OR2T2: variants seen among roughly 807,000 people sequenced by gnomAD.
OR2T2 encodes olfactory receptor 2T2.
For synonymous variants in OR2T2, 50 were observed against 162.7 expected (o/e 0.31, Z 5.27); for missense variants, 138 against 409.1 (o/e 0.34, Z 5.72).
exon 3 of OR2T2, chr1:248,453,710 G>A: frequency 6.3e-7 from 1 of 1,588,964 alleles, no homozygotes; most frequent in Non-Finnish European, 8.5e-7. Flanking sequence ...TCTGAGGAAA[G>A]TACTAGGGAG....
At chr1:248,450,344 C>A (rs1259740754) in intron 2 of OR2T2, among the ~76,000 whole-genome samples, 1 of 128,822 alleles carries the variant, frequency 7.8e-6, no homozygotes, top group Non-Finnish European at 1.6e-5. Context: ...TCACAAGGAA[C>A]CTCTTTTTTT....
intron 1 of OR2T2, among the ~76,000 whole-genome samples, 197 bp from the exon 2 acceptor site, chr1:248,446,392 T>C (rs2000038): frequency 0.066 from 9,024 of 137,622 alleles, 137 homozygotes; most frequent in East Asian, 0.16. Context: ...GTGTTTATAG[T>C]TGCAGGTGTC....
exon 3 of OR2T2, chr1:248,453,833 A>C: frequency 1.4e-6 from 2 of 1,417,716 alleles, no homozygotes; most frequent in Non-Finnish European, 1.9e-6. Flanking sequence ...GGGGACTCCC[A>C]GAGCATCAGG....
chr1:248,449,272 A>G (rs1662735816), intron 2 of OR2T2: 1 of 152,278 alleles, frequency 6.6e-6, no homozygotes, highest in Non-Finnish European at 1.5e-5. Flanking sequence ...ACACTGGCAG[A>G]TACTTCTCAT....
intron 1 of OR2T2, among the ~76,000 whole-genome samples, chr1:248,446,084 A>G (rs1662639473): frequency 1.4e-5 from 2 of 145,564 alleles, no homozygotes; most frequent in African/African-American, 5.6e-5. Flanking sequence ...TTTAATTTAC[A>G]TTTTAAGTTA....
chr1:248,447,595 T>C (rs1234662028), intron 2 of OR2T2, among the ~76,000 whole-genome samples: 2 of 150,896 alleles, frequency 1.3e-5, no homozygotes, highest in Admixed American at 1.3e-4. Context: ...ATTATTTACA[T>C]TGTCTCTGAT....
exon 3 of OR2T2, chr1:248,453,632 T>C: frequency 1.3e-6 from 2 of 1,587,872 alleles, no homozygotes; most frequent in Non-Finnish European, 8.6e-7. Flanking sequence ...GTCTGCCTTC[T>C]ACACCATCCT....
chr1:248,446,341 G>GT (rs1357343338), intron 1 of OR2T2, among the ~76,000 whole-genome samples: 1 of 145,006 alleles, frequency 6.9e-6, no homozygotes, highest in Non-Finnish European at 1.5e-5. Context: ...ATGTGGACAT[G>GT]TTGGAAGCTC....
rs1486973860 is a variant in OR2T2 at position 248,446,319 on chromosome 1, G to GC, written c.-245-267dup. 1.4e-5 allele frequency among the ~76,000 whole-genome samples: 2 copies of GC among 144,954 alleles called. 1 individual carries two copies. The highest frequency in any genetic ancestry group is 5.6e-5 in the African/African-American group (2 of 35,580). Reference sequence around the variant, plus strand: ...AAGCCTGTTGAGCTGAGTAACTGGAGCCCAGGGGGAGATGTGGACATGTTG... The same window carrying GC: ...AAGCCTGTTGAGCTGAGTAACTGGAGCCCCAGGGGGAGATGTGGACATGTTG... On this transcript the variant is annotated intron_variant, in intron 1 of 2. Transcript: ENST00000642130.
intron 2 of OR2T2, among the ~76,000 whole-genome samples, chr1:248,448,046 C>G (rs572782712): frequency 6.6e-6 from 1 of 152,290 alleles, no homozygotes; most frequent in Non-Finnish European, 1.5e-5. Context: ...GTTATCAAAT[C>G]GACTGTGGCG....
chr1:248,450,328 TCA>T (rs1413761939), intron 2 of OR2T2, among the ~76,000 whole-genome samples: 4 of 138,688 alleles, frequency 2.9e-5, no homozygotes, highest in Non-Finnish European at 4.5e-5. Context: ...CACACAACGC[TCA>T]CACTCACAAG....
intron 1 of OR2T2, among the ~76,000 whole-genome samples, chr1:248,446,184 C>T (rs1391898425): frequency 1.4e-5 from 2 of 143,060 alleles, no homozygotes; most frequent in Non-Finnish European, 3.0e-5. Context: ...TTCATTTTAA[C>T]CTCCTTCCTC....
chr1:248,450,274 C>A (rs1341505538), intron 2 of OR2T2, among the ~76,000 whole-genome samples: 2 of 141,250 alleles, frequency 1.4e-5, no homozygotes, highest in African/African-American at 3.0e-5. Context: ...ACCACACATA[C>A]CATGCTCACA....
chr1:248,453,538 G>C (rs1170568976), exon 3 of OR2T2: 2 of 1,564,364 alleles, frequency 1.3e-6, no homozygotes, highest in Non-Finnish European at 1.7e-6. Flanking sequence ...CCCACATTAT[G>C]GTGGTGAGCG....
rs1263776461 is a variant in OR2T2 at position 248,446,820 on chromosome 1, G to C, written c.-23+9G>C. 5 of 148,752 alleles carry C rather than the reference G, an allele frequency of 3.4e-5. No homozygotes were observed. Among genetic ancestry groups the C allele is most frequent in the Non-Finnish European group, 7.4e-5 (5 of 67,954 alleles). 9.2% of individuals were successfully genotyped at this position (148,752 alleles called of 1,614,324 possible). A position where few individuals can be genotyped will look rare whatever the true frequency, so the allele number is the denominator to read the frequency against. On this transcript the variant is annotated intron_variant, in intron 2 of 2. Coordinates refer to ENST00000642130, the Ensembl canonical transcript of OR2T2. ...TTGACAATGTAGTTTAGGTAAGTTG[G>C]CATGTAGCATTAAAACCTGTATTCT...
intron 2 of OR2T2, among the ~76,000 whole-genome samples, chr1:248,450,023 G>A (rs542617811): frequency 4.0e-4 from 60 of 148,968 alleles, no homozygotes; most frequent in African/African-American, 1.5e-3. Context: ...GCTCGGAACT[G>A]ATGTAAACAG....
intron 2 of OR2T2, among the ~76,000 whole-genome samples, chr1:248,447,872 G>T (rs1662702531): frequency 6.8e-6 from 1 of 147,932 alleles, no homozygotes; most frequent in African/African-American, 2.6e-5. Context: ...TAGTTAACCT[G>T]CAATCCGCCA....
In OR2T2 at chr1:248,453,735, A is replaced by C. The variant is rs138616383; in HGVS notation, c.938A>C (p.Gln313Pro). The change falls in exon 3 of 3, where the codon CAG (glutamine) becomes CCG (proline). Residue 313 changes from glutamine (Q) to proline (P), a missense_variant. Coordinates refer to ENST00000642130, the Ensembl canonical transcript of OR2T2. ...GTACTAGGGAGATGTGGTTCCTCCCAGAGCATCAGGGTGGCGACTGTGATC... is the reference window on the plus strand; with the variant it reads ...GTACTAGGGAGATGTGGTTCCTCCCCGAGCATCAGGGTGGCGACTGTGATC... 1,796 of 1,610,572 alleles carry C rather than the reference A, an allele frequency of 1.1e-3. 4 individuals carry two copies. Among genetic ancestry groups the C allele is most frequent in the Non-Finnish European group, 1.4e-3 (1,679 of 1,179,746 alleles).
chr1:248,453,987 A>C (rs1341474348), exon 3 of OR2T2: 1 of 588,468 alleles, frequency 1.7e-6, no homozygotes, highest in Admixed American at 3.1e-5. Flanking sequence ...ATTAACAGGC[A>C]AAATCATCCT....
Sources: allele counts gnomAD v4.1 joint callset (sites outside exome capture counted in the v4.1 genomes callset), GRCh38; gene constraint gnomAD v4.1.1; transcripts MANE v1.5; gene names NCBI Gene and HGNC (gene_info 2026-07-23, HGNC 2026-07-21).